The following CPEB1 variants were observed in gnomAD, a reference collection of about 807,000 sequenced individuals.
CPEB1 encodes the protein cytoplasmic polyadenylation element binding protein 1, also known as cytoplasmic polyadenylation element-binding protein 1.
CPEB1 carries 7 observed loss-of-function variants against 65.8 expected under a neutral mutation model. That is an observed-to-expected ratio of 0.11 (90% CI 0.06 to 0.20). The LOEUF (loss-of-function observed/expected upper bound fraction) is 0.20. Ranked by LOEUF, CPEB1 falls within the 10% of genes least tolerant of loss-of-function variation. CPEB1 has a pLI of 1.00. For synonymous variants in CPEB1, 262 were observed against 260.0 expected, an observed-to-expected ratio of 1.01 and a Z score of -0.08; for missense variants, 551 against 712.2, an observed-to-expected ratio of 0.77 and a Z score of 2.58.
chr15:82,590,209 C>CAAAAA (rs5814120), intron 3 of CPEB1, among the ~76,000 whole-genome samples: 5 of 104,148 alleles, frequency 4.8e-5, no homozygotes, highest in Non-Finnish European at 8.2e-5. Context: ...ATCCCTTTGA[C>CAAAAA]AAAAAAAAAA....
intron 3 of CPEB1, among the ~76,000 whole-genome samples, chr15:82,621,160 G>A (rs1477457399): frequency 6.6e-6 from 1 of 152,102 alleles, no homozygotes; most frequent in East Asian, 1.9e-4. Flanking sequence ...GTGACGATAC[G>A]GTTTATGATC....
At chr15:82,571,621 TC>T in intron 3 of CPEB1, 89 bp from the exon 4 acceptor site, 1 of 1,494,760 alleles carries the variant, frequency 6.7e-7, no homozygotes, top group Non-Finnish European at 8.9e-7. Flanking sequence ...AATAATAGTT[TC>T]CCCAGGCTCA....
In CPEB1 at chr15:82,612,845, C is replaced by G. The variant is rs67910400; in HGVS notation, c.271+14348G>C. 6.0e-4 allele frequency among the ~76,000 whole-genome samples: 31 copies of G among 52,072 alleles called. No individual in the cohort carries two copies. In the South Asian group the frequency reaches 6.1e-3, roughly 10 times the overall value. 34.2% of individuals were successfully genotyped at this position (52,072 alleles called of 152,430 possible). On this transcript the variant is annotated intron_variant, in intron 3 of 12. Coordinates refer to ENST00000684509, the MANE Select transcript of CPEB1 (RefSeq NM_001365242.1). ...TGAGACTCTGTCTCAAAAAAAAGAA[C>G]AAACAAACAAACAAACAAACAAAAC...
intron 1 of CPEB1, among the ~76,000 whole-genome samples, chr15:82,645,544 C>T (rs2047433634): frequency 6.6e-6 from 1 of 152,006 alleles, no homozygotes; most frequent in Admixed American, 6.6e-5. Flanking sequence ...CCAGGCCACC[C>T]AAAGTTTAAA....
intron 3 of CPEB1, among the ~76,000 whole-genome samples, chr15:82,599,545 G>A (rs952004143): frequency 1.3e-5 from 2 of 151,880 alleles, no homozygotes; most frequent in African/African-American, 4.8e-5. Flanking sequence ...AACAACAAGC[G>A]GAAACCAGGA....
intron 3 of CPEB1, among the ~76,000 whole-genome samples, chr15:82,619,203 G>C (rs559407692): frequency 6.6e-6 from 1 of 152,158 alleles, no homozygotes; most frequent in South Asian, 2.1e-4. Context: ...CAATTTAAAA[G>C]AATTTTCTTT....
At chr15:82,603,956 T>A (rs1056913041) in intron 3 of CPEB1, among the ~76,000 whole-genome samples, 16 of 152,172 alleles carry the variant, frequency 1.1e-4, no homozygotes, top group African/African-American at 3.4e-4. Context: ...GTATGGCCCA[T>A]TCATGGGGGA....
chr15:82,642,005 G>C (rs905422175), intron 1 of CPEB1, among the ~76,000 whole-genome samples: 1 of 152,176 alleles, frequency 6.6e-6, no homozygotes, highest in African/African-American at 2.4e-5. Flanking sequence ...TTTACAGCAA[G>C]TCAGATAATT....
In CPEB1 at chr15:82,580,550, C is replaced by A. The variant is rs576657678; in HGVS notation, c.272-9018G>T. ...TATACATGAAATTTACCACTCTAAC[C>A]ATTTTTGAGCATACAATTCAGAGGC... On this transcript the variant is annotated intron_variant, in intron 3 of 12. Transcript: ENST00000684509. 8.5e-5 allele frequency among the ~76,000 whole-genome samples: 13 copies of A among 152,170 alleles called. No individual in the cohort carries two copies. In the South Asian group the frequency reaches 2.3e-3, roughly 27 times the overall value.
At chr15:82,636,941 A>G (rs2046711004) in intron 1 of CPEB1, among the ~76,000 whole-genome samples, 1 of 152,044 alleles carries the variant, frequency 6.6e-6, no homozygotes, top group South Asian at 2.1e-4. Context: ...TCATTTTGGG[A>G]TTTGGGGTTT....
chr15:82,582,828 G>A (rs1013527362), intron 3 of CPEB1, among the ~76,000 whole-genome samples: 1 of 140,646 alleles, frequency 7.1e-6, no homozygotes, highest in African/African-American at 2.7e-5. Context: ...CGCAAGCTCC[G>A]CCTCCCGGGT....
chr15:82,603,975 C>A (rs2043338798), intron 3 of CPEB1, among the ~76,000 whole-genome samples: 1 of 152,150 alleles, frequency 6.6e-6, no homozygotes, highest in Non-Finnish European at 1.5e-5. Context: ...GAAAAAATCA[C>A]TAAAAATGGT....
In CPEB1 at chr15:82,590,209, CAAA is replaced by C. The variant is rs5814120; in HGVS notation, c.272-18680_272-18678del. ...CCTATGTGTCCCCTCATCCCTTTGACAAAAAAAAAAAAAAAAAAAAAAAAAAAA... is the reference window on the plus strand; with the variant it reads ...CCTATGTGTCCCCTCATCCCTTTGACAAAAAAAAAAAAAAAAAAAAAAAAA... On this transcript the variant is annotated intron_variant, in intron 3 of 12. Coordinates refer to ENST00000684509, the MANE Select transcript of CPEB1 (RefSeq NM_001365242.1). Among the ~76,000 whole-genome samples, 838 of 103,528 alleles carry C rather than the reference CAAA, an allele frequency of 8.1e-3. 8 individuals carry two copies. Among genetic ancestry groups the C allele is most frequent in the African/African-American group, 0.025 (691 of 27,858 alleles). The allele number at this position is 103,528 out of a possible 152,430, so 67.9% of individuals were successfully genotyped here. A position where few individuals can be genotyped will look rare whatever the true frequency, so the allele number is the denominator to read the frequency against.
intron 3 of CPEB1, among the ~76,000 whole-genome samples, chr15:82,594,215 A>G (rs1175863180): frequency 6.6e-6 from 1 of 152,170 alleles, no homozygotes; most frequent in African/African-American, 2.4e-5. Flanking sequence ...CTACATTGAG[A>G]ATCTGTTGTT....
intron 3 of CPEB1, among the ~76,000 whole-genome samples, chr15:82,610,958 C>CAAAAAAAAAAAAAAAAAAAAAA: frequency 3.3e-5 from 1 of 30,018 alleles, no homozygotes; most frequent in Non-Finnish European, 5.6e-5. Flanking sequence ...ACTCCAGTCT[C>CAAAAAAAAAAAAAAAAAAAAAA]AAAAAAAAAA....
intron 3 of CPEB1, among the ~76,000 whole-genome samples, chr15:82,622,304 C>A (rs1395327805): frequency 1.3e-5 from 2 of 152,078 alleles, no homozygotes; most frequent in Non-Finnish European, 2.9e-5. Context: ...GGGGTACTAG[C>A]CCAAAAGCTC....
chr15:82,579,117 C>T (rs889949667), intron 3 of CPEB1, among the ~76,000 whole-genome samples: 1 of 152,066 alleles, frequency 6.6e-6, no homozygotes, highest in African/African-American at 2.4e-5. Flanking sequence ...ACCACCATGC[C>T]CAGCCTTAAA....
Position 82,571,549 on chromosome 15 carries a change from C to A in CPEB1, c.272-17G>T. 6.2e-7 allele frequency: 1 copy of A among 1,608,246 alleles called. No homozygotes were observed. The highest frequency in any genetic ancestry group is 1.1e-5 in the South Asian group (1 of 90,064). On this transcript the variant is annotated splice_polypyrimidine_tract_variant and intron_variant, in intron 3 of 12. Coordinates refer to ENST00000684509, the MANE Select transcript of CPEB1 (RefSeq NM_001365242.1). ...CCTGGAAGTCTGTTTTGGAAAGGAG[C>A]ACAGCAGAAACCTCAGAGTTAAGGG...
intron 1 of CPEB1, chr15:82,640,883 A>G (rs918904158): frequency 6.6e-6 from 1 of 151,972 alleles, no homozygotes; most frequent in African/African-American, 2.4e-5. Context: ...TACCAAGACA[A>G]GACAAGATTG....
Sources: gnomAD v4.1 joint callset for allele counts (sites outside exome capture counted in the v4.1 genomes callset) on GRCh38, gnomAD v4.1.1 for gene constraint, MANE v1.5 for transcripts, NCBI Gene and HGNC (gene_info 2026-07-23, HGNC 2026-07-21) for gene names.